The following SPATA13 variants were observed in gnomAD, a reference collection of about 807,000 sequenced individuals.
The protein encoded by SPATA13 is spermatogenesis associated 13, also known as spermatogenesis-associated protein 13.
In SPATA13, 50 loss-of-function variants were observed where a neutral mutation model predicts 104.0. That is an observed-to-expected ratio of 0.48 (90% CI 0.38 to 0.61). SPATA13 has a LOEUF of 0.61. Among genes scored for constraint, SPATA13 ranks in the 20% least tolerant of loss-of-function variants. The pLI, the probability that SPATA13 is intolerant of heterozygous loss-of-function variation, is 0.00. For synonymous variants in SPATA13, 606 were observed against 667.5 expected (o/e 0.91, Z 1.42); for missense variants, 1,524 against 1,690.6 (o/e 0.90, Z 1.73).
intron 3 of SPATA13, among the ~76,000 whole-genome samples, chr13:24,076,259 A>G (rs1879322949): frequency 6.6e-6 from 1 of 152,178 alleles, no homozygotes; most frequent in African/African-American, 2.4e-5. Flanking sequence ...ATTATTAACT[A>G]TGCAGCCTGA....
At chr13:24,078,895 C>T (rs1027880961) in intron 3 of SPATA13, among the ~76,000 whole-genome samples, 1 of 152,154 alleles carries the variant, frequency 6.6e-6, no homozygotes, top group African/African-American at 2.4e-5. Context: ...GTACTGTGGA[C>T]CCAACAGTTT....
intron 4 of SPATA13, chr13:24,271,041 ACT>A (rs71928912): frequency 0.1 from 39,577 of 396,038 alleles, 753 homozygotes; most frequent in East Asian, 0.23. Flanking sequence ...TCTCTCTCTC[ACT>A]CTCTCTCTCT....
chr13:24,194,257 T>G (rs9511130), intron 1 of SPATA13, among the ~76,000 whole-genome samples: 65,196 of 152,102 alleles, frequency 0.43, 16,145 homozygotes, highest in Non-Finnish European at 0.56. Flanking sequence ...GCAGCTAAAA[T>G]CGTCCTGAAT....
intron 11 of SPATA13, 94 bp downstream of exon 11, chr13:24,297,829 C>A (rs1271426773): frequency 4.2e-6 from 6 of 1,426,698 alleles, no homozygotes; most frequent in Non-Finnish European, 5.6e-6. Flanking sequence ...CCAGCCTTCT[C>A]CCTCAGAGCT....
At chr13:24,014,866 T>A (rs1276316736) in intron 2 of SPATA13, among the ~76,000 whole-genome samples, 7 of 147,240 alleles carry the variant, frequency 4.8e-5, no homozygotes, top group Non-Finnish European at 1.0e-4. Context: ...GTTCCCTTTT[T>A]GGCACTTTCT....
At chr13:24,112,969 G>C (rs552594126) in intron 3 of SPATA13, among the ~76,000 whole-genome samples, 3 of 152,148 alleles carry the variant, frequency 2.0e-5, no homozygotes, top group African/African-American at 4.8e-5. Flanking sequence ...TCAACAGGAG[G>C]GGCTACTTAC....
intron 3 of SPATA13, among the ~76,000 whole-genome samples, chr13:24,149,639 A>G (rs1426576980): frequency 6.6e-6 from 1 of 151,802 alleles, no homozygotes; most frequent in Non-Finnish European, 1.5e-5. Context: ...AGCGTCCTGA[A>G]TTTGGAGCTA....
intron 2 of SPATA13, among the ~76,000 whole-genome samples, chr13:24,000,760 G>T (rs1212035231): frequency 6.6e-6 from 1 of 152,042 alleles, no homozygotes; most frequent in Admixed American, 6.5e-5. Flanking sequence ...ATTTGGGAGA[G>T]CCCTGGGCTA....
chr13:24,246,834 G>T (rs1873167290), intron 2 of SPATA13, among the ~76,000 whole-genome samples: 3 of 152,092 alleles, frequency 2.0e-5, no homozygotes, highest in Admixed American at 1.3e-4. Flanking sequence ...CTGCACTCCA[G>T]CCTGGTGACA....
intron 3 of SPATA13, among the ~76,000 whole-genome samples, chr13:24,108,720 C>T (rs982934969): frequency 3.9e-5 from 6 of 152,080 alleles, no homozygotes; most frequent in East Asian, 3.9e-4. Context: ...CCTGCAGCTC[C>T]GCACCTTTCC....
At chr13:24,031,713 C>A in intron 3 of SPATA13, among the ~76,000 whole-genome samples, 1 of 152,204 alleles carries the variant, frequency 6.6e-6, no homozygotes, top group East Asian at 1.9e-4. Context: ...AATTTATAAT[C>A]TTGGACCTTC....
intron 1 of SPATA13, among the ~76,000 whole-genome samples, chr13:24,186,352 T>G (rs1487002724): frequency 1.3e-5 from 2 of 152,198 alleles, no homozygotes; most frequent in Non-Finnish European, 2.9e-5. Flanking sequence ...ATTAATAGTA[T>G]GACTAAGGTC....
At chr13:24,065,649 TCA>T (rs2137759550) in intron 3 of SPATA13, among the ~76,000 whole-genome samples, 1 of 152,274 alleles carries the variant, frequency 6.6e-6, no homozygotes, top group South Asian at 2.1e-4. Context: ...ACTAAATATA[TCA>T]ACAATTTATT....
chr13:24,281,938 T>A (rs181141322), intron 4 of SPATA13, among the ~76,000 whole-genome samples: 1 of 152,216 alleles, frequency 6.6e-6, no homozygotes, highest in African/African-American at 2.4e-5. Flanking sequence ...GACAGCCCTG[T>A]CTGTGCTTGG....
intron 3 of SPATA13, among the ~76,000 whole-genome samples, chr13:24,147,145 C>T (rs1329061869): frequency 6.6e-6 from 1 of 152,096 alleles, no homozygotes; most frequent in Non-Finnish European, 1.5e-5. Context: ...GAATGGAATG[C>T]TTTTTCCACT....
chr13:24,001,476 G>A (rs781604213), intron 2 of SPATA13, among the ~76,000 whole-genome samples: 14 of 152,144 alleles, frequency 9.2e-5, no homozygotes, highest in Admixed American at 3.9e-4. Context: ...TGGAGATTGC[G>A]TTAAGGAGTG....
chr13:24,264,660 C>T (rs1210468404), intron 4 of SPATA13, among the ~76,000 whole-genome samples: 1 of 152,186 alleles, frequency 6.6e-6, no homozygotes. Context: ...AAGTTATATT[C>T]CTCCAATCCC....
intron 4 of SPATA13, chr13:24,271,010 C>T: frequency 1.3e-6 from 1 of 744,802 alleles, no homozygotes; most frequent in Non-Finnish European, 2.4e-6. Context: ...TCTCTCTCTC[C>T]ACTCTCTCTC....
rs3067220 is a variant in SPATA13, at chr13:24,258,364, C to CAAAAAA, written c.2164+6517_2164+6522dup. On this transcript the variant is annotated intron_variant, in intron 4 of 12. Coordinates refer to ENST00000382108, the MANE Select transcript of SPATA13 (RefSeq NM_001166271.3). ...TACCATGAGAATGAAGAGTTCATCT[C>CAAAAAA]AAAAAAAAAAAAAAAAAAAAGGCCA... Among the ~76,000 whole-genome samples, 13 of 96,432 alleles carry CAAAAAA rather than the reference C, an allele frequency of 1.3e-4. 1 individual carries two copies. Among genetic ancestry groups the CAAAAAA allele is most frequent in the South Asian group, 6.9e-4 (2 of 2,878 alleles). 63.3% of individuals were successfully genotyped at this position (96,432 alleles called of 152,430 possible).
Sources: allele counts gnomAD v4.1 joint callset (sites outside exome capture counted in the v4.1 genomes callset), GRCh38; gene constraint gnomAD v4.1.1; transcripts MANE v1.5; gene names NCBI Gene and HGNC (gene_info 2026-07-23, HGNC 2026-07-21).